SULT1C2: variants seen among roughly 807,000 people sequenced by gnomAD.
SULT1C2 encodes the protein sulfotransferase 1C2.
A neutral mutation model predicts 36.0 loss-of-function variants in SULT1C2; 27 were observed. The observed-to-expected ratio is 0.75, with a 90% CI of 0.55 to 1.03. SULT1C2 has a LOEUF of 1.03. Ranked by LOEUF, SULT1C2 falls within the 50% of genes least tolerant of loss-of-function variation. SULT1C2 has a pLI of 0.00. For synonymous variants in SULT1C2, 121 were observed against 116.0 expected (o/e 1.04, Z -0.27); for missense variants, 395 against 359.2 (o/e 1.10, Z -0.80).
Position 108,293,691 on chromosome 2 carries a change from G to A in SULT1C2, c.24G>A (p.Gly8=). ...CTATGGCCCTGACCTCAGACCTGGG[G>A]AAACAGATAAAACTGAAAGAGGTGG... is the stretch of plus-strand genomic sequence containing the variant. The part of the protein sequence containing the change: MALTSDL[G]KQIKLKEVEG... Residue 8 remains glycine, a synonymous_variant, in exon 2 of 8, where the codon GGG becomes GGA. Transcript: ENST00000251481. 1.9e-6 allele frequency: 3 copies of A among 1,614,050 alleles called. No homozygotes were observed. Among genetic ancestry groups the A allele is most frequent in the Non-Finnish European group, 2.5e-6 (3 of 1,179,988 alleles).
intron 7 of SULT1C2, among the ~76,000 whole-genome samples, chr2:108,307,200 TTGGATAACCAG>T (rs1677046628): frequency 6.6e-6 from 1 of 152,226 alleles, no homozygotes. Context: ...CCTTTTCTCT[TTGGATAACCAG>T]TGGTAATGAT....
chr2:108,296,245 A>T (rs1189744783), intron 3 of SULT1C2, among the ~76,000 whole-genome samples: 2 of 152,202 alleles, frequency 1.3e-5, no homozygotes, highest in Non-Finnish European at 2.9e-5. Flanking sequence ...TCAATCACTA[A>T]ATCGGCATAA....
intron 7 of SULT1C2, among the ~76,000 whole-genome samples, chr2:108,306,197 C>G (rs114364379): frequency 0.036 from 5,444 of 152,292 alleles, 111 homozygotes; most frequent in Middle Eastern, 0.082. Flanking sequence ...CTGCCTCATC[C>G]TCAGTATTTC....
chr2:108,291,076 T>A (rs1174909037), intron 1 of SULT1C2, among the ~76,000 whole-genome samples: 1 of 152,178 alleles, frequency 6.6e-6, no homozygotes, highest in Non-Finnish European at 1.5e-5. Context: ...TGAAGAAGAA[T>A]CCCTTCCAAG....
chr2:108,305,382 A>T (rs777562057), intron 6 of SULT1C2, 33 bp from the exon 7 acceptor site: 2 of 1,611,428 alleles, frequency 1.2e-6, no homozygotes, highest in East Asian at 4.5e-5. Context: ...TGATACTCTC[A>T]TTCATTCCAG....
intron 7 of SULT1C2, among the ~76,000 whole-genome samples, chr2:108,307,206 A>T (rs542315161): frequency 1.7e-4 from 26 of 152,316 alleles, no homozygotes; most frequent in Non-Finnish European, 3.7e-4. Context: ...CTCTTTGGAT[A>T]ACCAGTGGTA....
rs563046990 is a variant in SULT1C2, at chr2:108,289,342, C to A, written c.-22+272C>A. Among the ~76,000 whole-genome samples, 5 of 152,186 alleles carry A rather than the reference C, an allele frequency of 3.3e-5. No homozygotes were observed. In the East Asian group the frequency reaches 9.7e-4, roughly 30 times the overall value. ...CCCTGATCTTTTCCCAAATACCCTC[C>A]CTGTCCCATCCTCCTCCAGGGCCAG... On this transcript the variant is annotated intron_variant, in intron 1 of 7. Transcript: ENST00000251481.
rs765275602 is a variant in SULT1C2 at position 108,294,318 on chromosome 2, C to CCT, written c.242_243dup (p.Phe82LeufsTer26). ...GCGAGCCATCATCCAACACCGCCATCCTTTCATTGAGTGGGCTCGGCCACC... is the reference window on the plus strand; with the variant it reads ...GCGAGCCATCATCCAACACCGCCATCCTCTTTCATTGAGTGGGCTCGGCCACC... On this transcript the variant is annotated frameshift_variant, in exon 3 of 8. Transcript: ENST00000251481. LOFTEE classifies it high-confidence loss of function. 1 of 1,614,032 alleles carries CCT rather than the reference C, an allele frequency of 6.2e-7. No individual in the cohort carries two copies. The highest frequency in any genetic ancestry group is 2.2e-5 in the East Asian group (1 of 44,860).
intron 2 of SULT1C2, 92 bp downstream of exon 2, chr2:108,293,910 CCTT>C (rs1387428869): frequency 1.7e-5 from 25 of 1,514,598 alleles, no homozygotes; most frequent in East Asian, 1.6e-4. Context: ...GAAACCTGCT[CCTT>C]CTTATTGTTC....
Position 108,293,763 on chromosome 2 carries a change from C to G in SULT1C2, c.96C>G (p.Ile32Met). 1 of 1,614,122 alleles carries G rather than the reference C, an allele frequency of 6.2e-7. No homozygotes were observed. Among genetic ancestry groups the G allele is most frequent in the Admixed American group, 1.7e-5 (1 of 60,016 alleles). ...CAACTGTGGACAACTGGAGCCAGAT[C>G]CAGAGCTTCGAGGCCAAACCAGATG... ...QPATVDNWSQ[I>M]QSFEAKPDDL... Residue 32 changes from isoleucine (I) to methionine (M), a missense_variant, in exon 2 of 8, where the codon ATC becomes ATG. Transcript: ENST00000251481.
Position 108,293,834 on chromosome 2 carries a change from G to A in SULT1C2, c.151+16G>A, listed in dbSNP as rs918081652. The A allele has an allele frequency of 3.1e-6, 5 of 1,611,354 alleles. No homozygotes were observed. Among genetic ancestry groups the A allele is most frequent in the Admixed American group, 3.4e-5 (2 of 59,654 alleles). On this transcript the variant is annotated intron_variant, in intron 2 of 7. Transcript: ENST00000251481. ...CCTAAAGCAGGTGATTGCAGGGTAG[G>A]AGGGACAGCAAAGACCTGCTGAGCC...
In SULT1C2 at chr2:108,294,348, C is replaced by T; in HGVS notation, c.271C>T (p.Pro91Ser). 1.3e-5 allele frequency: 21 copies of T among 1,613,232 alleles called. No individual in the cohort carries two copies. The highest frequency in any genetic ancestry group is 1.7e-5 in the Non-Finnish European group (20 of 1,179,572). The change falls in exon 3 of 8, where the codon CCT (proline) becomes TCT (serine). Residue 91 changes from proline (P) to serine (S), a missense_variant. By Grantham distance (74) the Pro-to-Ser change is moderately conservative. Transcript: ENST00000251481. ...PFIEWARPPQ[P>S]SGVEKAKAMP... ...CATTGAGTGGGCTCGGCCACCCCAA[C>T]CTTCTGGTGAGAGCACCTCCCTCTT...
chr2:108,302,117 G>A (rs1676892895), intron 4 of SULT1C2: 1 of 152,160 alleles, frequency 6.6e-6, no homozygotes, highest in Non-Finnish European at 1.5e-5. Context: ...AAGTCCCTAA[G>A]TTTAGAAACT....
chr2:108,293,567 G>A (rs1676648831), intron 1 of SULT1C2, 80 bp from the exon 2 acceptor site: 13 of 1,368,780 alleles, frequency 9.5e-6, no homozygotes, highest in Middle Eastern at 4.5e-4. Flanking sequence ...TACACCTAAC[G>A]ATGGTTAAAA....
intron 1 of SULT1C2, among the ~76,000 whole-genome samples, chr2:108,292,317 T>C (rs531135593): frequency 6.6e-6 from 1 of 152,106 alleles, no homozygotes; most frequent in South Asian, 2.1e-4. Context: ...CCAGTTATCC[T>C]TGAGTAACAG....
Position 108,305,502 on chromosome 2 carries a change from T to C in SULT1C2, c.685T>C (p.Ser229Pro), listed in dbSNP as rs759659847. 3.1e-6 allele frequency: 5 copies of C among 1,614,160 alleles called. No homozygotes were observed. The highest frequency in any genetic ancestry group is 4.5e-5 in the East Asian group (2 of 44,882). The change falls in exon 7 of 8, where the codon TCA becomes CCA. Residue 229 changes from serine (S) to proline (P), a missense_variant. Ser to Pro is a moderately conservative substitution (Grantham distance 74, BLOSUM62 -1). Coordinates refer to ENST00000251481, the MANE Select transcript of SULT1C2 (RefSeq NM_001056.4). Reference protein sequence around the residue: ...TVLDKIVQETSFEKMKENPMT... With the variant: ...TVLDKIVQETPFEKMKENPMT... ...GCTAGATAAAATTGTCCAGGAGACG[T>C]CATTTGAGAAAATGAAAGAAAATCC... is the stretch of plus-strand genomic sequence containing the variant.
intron 4 of SULT1C2, chr2:108,302,340 C>G (rs1676904227): frequency 2.0e-5 from 3 of 152,194 alleles, no homozygotes; most frequent in Admixed American, 2.0e-4. Flanking sequence ...CAGAGAAAGA[C>G]CTTAGGGAAC....
intron 3 of SULT1C2, among the ~76,000 whole-genome samples, chr2:108,295,616 T>C (rs1676705526): frequency 6.6e-6 from 1 of 152,236 alleles, no homozygotes; most frequent in Non-Finnish European, 1.5e-5. Context: ...AGCTGCAAAG[T>C]GTAGATAGAA....
chr2:108,304,313 A>G (rs1222073073), intron 4 of SULT1C2: 1 of 316,138 alleles, frequency 3.2e-6, no homozygotes, highest in Non-Finnish European at 5.8e-6. Flanking sequence ...TCCTGATACC[A>G]AAGGGGCAAT....
Sources: allele counts gnomAD v4.1 joint callset (sites outside exome capture counted in the v4.1 genomes callset), GRCh38; gene constraint gnomAD v4.1.1; transcripts MANE v1.5; gene names NCBI Gene and HGNC (gene_info 2026-07-23, HGNC 2026-07-21).